The following SEMA3D variants were observed in gnomAD, a reference collection of about 807,000 sequenced individuals.
The protein encoded by SEMA3D is semaphorin-3D.
SEMA3D carries 84 observed loss-of-function variants against 100.1 expected under a neutral mutation model. The observed-to-expected ratio is 0.84, with a 90% CI of 0.70 to 1.01. The LOEUF (loss-of-function observed/expected upper bound fraction) is 1.01. Among genes scored for constraint, SEMA3D ranks in the 50% least tolerant of loss-of-function variants. The probability of loss-of-function intolerance (pLI) is 0.00; values close to 1 mark genes in which losing one functional copy is unlikely to be tolerated. For missense variants in SEMA3D, 875 were observed against 934.1 expected, an observed-to-expected ratio of 0.94 and a Z score of 0.82; for synonymous variants, 312 against 320.7, an observed-to-expected ratio of 0.97 and a Z score of 0.29.
upstream of SEMA3D, among the ~76,000 whole-genome samples, chr7:85,189,113 T>A (rs1307025656): frequency 6.6e-6 from 1 of 152,172 alleles, no homozygotes; most frequent in African/African-American, 2.4e-5. Context: ...TTCCTTCCTT[T>A]TAATGACTCT....
intron 14 of SEMA3D, 107 bp from the exon 15 acceptor site, chr7:85,018,400 T>A: frequency 1.4e-6 from 1 of 717,360 alleles, no homozygotes; most frequent in South Asian, 1.6e-5. Context: ...AAACATCAAG[T>A]CTCTGTTACA....
At chr7:85,115,414 A>G (rs758082101) in intron 3 of SEMA3D, among the ~76,000 whole-genome samples, 53 of 152,320 alleles carry the variant, frequency 3.5e-4, no homozygotes, top group Admixed American at 7.8e-4. Flanking sequence ...ATGAATCTTC[A>G]GTGAATATTA....
intron 13 of SEMA3D, among the ~76,000 whole-genome samples, chr7:85,021,780 A>G (rs1186157460): frequency 6.6e-6 from 1 of 151,842 alleles, no homozygotes; most frequent in African/African-American, 2.4e-5. Context: ...ATTAGCTAAT[A>G]CTTTTACTTT....
At chr7:85,150,427 C>CAT (rs1178315506) in intron 2 of SEMA3D, among the ~76,000 whole-genome samples, 4 of 140,846 alleles carry the variant, frequency 2.8e-5, no homozygotes, top group African/African-American at 1.0e-4. Flanking sequence ...CACACACACA[C>CAT]ATATATTTAC....
chr7:85,138,116 C>T (rs541111849), intron 2 of SEMA3D, among the ~76,000 whole-genome samples: 9 of 152,118 alleles, frequency 5.9e-5, no homozygotes, highest in South Asian at 2.1e-4. Context: ...GCTGAATGGG[C>T]TCAAAGTAAA....
intron 2 of SEMA3D, among the ~76,000 whole-genome samples, chr7:85,144,026 T>C (rs1033030462): frequency 6.6e-6 from 1 of 152,092 alleles, no homozygotes; most frequent in Non-Finnish European, 1.5e-5. Flanking sequence ...CTTGTAATTT[T>C]AAATTTTCTT....
chr7:85,073,098 T>G lies in SEMA3D; in HGVS notation c.376-17A>C, dbSNP rs375641656. 4.7e-5 allele frequency: 76 copies of G among 1,610,136 alleles called. No homozygotes were observed. Among genetic ancestry groups the G allele is most frequent in the Admixed American group, 1.2e-4 (7 of 59,386 alleles). ...ACATTCTGTCTGTTGGGCACAAAAA[T>G]TAAAAGCATTAACACACAATTCAGG... On this transcript the variant is annotated splice_polypyrimidine_tract_variant and intron_variant, in intron 5 of 18. Transcript: ENST00000284136.
Position 85,140,699 on chromosome 7 carries a change from A to G in SEMA3D, c.-41+12909T>C, listed in dbSNP as rs2116460429. ...GTGCTTCTGTTAAGGAGTCATTATT[A>G]AGAGATAAATCTATTTAATACAAGT... On this transcript the variant is annotated intron_variant, in intron 2 of 18. Coordinates refer to ENST00000284136, the MANE Select transcript of SEMA3D (RefSeq NM_001384900.1). The G allele has an allele frequency of 7.1e-6, 7 of 980,740 alleles. No homozygotes were observed. The South Asian group carries it at 2.8e-4, about 40-fold the overall frequency. The allele number at this position is 980,740 out of a possible 1,614,324, so 60.8% of individuals were successfully genotyped here. A position where few individuals can be genotyped will look rare whatever the true frequency, so the allele number is the denominator to read the frequency against.
the SEMA3D span, among the ~76,000 whole-genome samples, chr7:85,225,050 TTATATA>T: frequency 0.014 from 1,047 of 76,588 alleles, 7 homozygotes; most frequent in East Asian, 0.024. Flanking sequence ...TGATTTTCTT[TTATATA>T]TATATATATA....
chr7:85,204,793 A>G, the SEMA3D span, among the ~76,000 whole-genome samples: 5 of 151,890 alleles, frequency 3.3e-5, no homozygotes, highest in Admixed American at 1.3e-4. Context: ...TATTTTTCCT[A>G]TTATCACTCT....
In SEMA3D at chr7:85,140,932, ATCT is replaced by A. The variant is rs935013064; in HGVS notation, c.-41+12673_-41+12675del. On this transcript the variant is annotated intron_variant, in intron 2 of 18. Coordinates refer to ENST00000284136, the MANE Select transcript of SEMA3D (RefSeq NM_001384900.1). ...TCAGTTAGAGATGATCACTGTTAAA[ATCT>A]TCTTTATTTTTCCCTATTTTCTATG... 1.6e-4 allele frequency: 98 copies of A among 609,908 alleles called. No homozygotes were observed. In the African/African-American group the frequency reaches 1.7e-3, roughly 10 times the overall value. The allele number at this position is 609,908 out of a possible 1,614,324, so 37.8% of individuals were successfully genotyped here.
the SEMA3D span, among the ~76,000 whole-genome samples, chr7:85,207,934 G>A: frequency 2.0e-5 from 3 of 151,880 alleles, no homozygotes; most frequent in South Asian, 6.2e-4. Context: ...TGTAATGCAC[G>A]CTGTCAGTTA....
At position 85,065,471 on chromosome 7, in the gene SEMA3D, T is replaced by C. The variant is rs757201221; in HGVS notation, c.671A>G (p.Asp224Gly). The change falls in exon 8 of 19, where the codon GAC (aspartate) becomes GGC (glycine). Residue 224 changes from aspartate to glycine, a missense_variant. Transcript: ENST00000284136. Reference protein sequence around the residue: ...AFTRSLGPTHDHHYIRTDISE... With the variant: ...AFTRSLGPTHGHHYIRTDISE... ...AATGTCAGTTCTGATGTAGTGGTGG[T>C]CATGAGTAGGCCCAAGGGATCGAGT... 1.2e-6 allele frequency: 2 copies of C among 1,613,152 alleles called. No individual in the cohort carries two copies. The highest frequency in any genetic ancestry group is 2.7e-5 in the African/African-American group (2 of 74,864).
At chr7:85,152,885 G>A (rs936116924) in intron 2 of SEMA3D, among the ~76,000 whole-genome samples, 4 of 152,088 alleles carry the variant, frequency 2.6e-5, no homozygotes, top group Admixed American at 2.6e-4. Context: ...GCAAGTCAAA[G>A]TCAAGTCTAG....
At chr7:85,038,029 C>T (rs1790750062) in intron 11 of SEMA3D, among the ~76,000 whole-genome samples, 1 of 130,290 alleles carries the variant, frequency 7.7e-6, no homozygotes, top group African/African-American at 3.0e-5. Context: ...GGGAACATCA[C>T]ACACCGGGGC....
At chr7:85,173,250 T>C (rs550551877) in intron 1 of SEMA3D, among the ~76,000 whole-genome samples, 37 of 152,174 alleles carry the variant, frequency 2.4e-4, no homozygotes, top group Non-Finnish European at 4.4e-4. Flanking sequence ...GTAGATAGTT[T>C]AAAAGTAAAC....
chr7:85,112,383 C>G (rs750133567), intron 3 of SEMA3D, among the ~76,000 whole-genome samples: 6 of 152,014 alleles, frequency 3.9e-5, no homozygotes, highest in Non-Finnish European at 8.8e-5. Context: ...TTTTTCTTGT[C>G]AATGAATATA....
intron 1 of SEMA3D, among the ~76,000 whole-genome samples, chr7:85,168,873 G>C (rs1583985851): frequency 7.5e-6 from 1 of 133,526 alleles, no homozygotes; most frequent in Admixed American, 7.4e-5. Flanking sequence ...AAGAAAGAAA[G>C]AAAGAAAAGA....
chr7:85,130,288 C>T (rs1469600949), intron 2 of SEMA3D, among the ~76,000 whole-genome samples: 2 of 152,100 alleles, frequency 1.3e-5, no homozygotes, highest in Non-Finnish European at 2.9e-5. Flanking sequence ...TCAAAAAGGG[C>T]AGCTTTTCTT....
Sources: gnomAD v4.1 joint callset for allele counts (sites outside exome capture counted in the v4.1 genomes callset) on GRCh38, gnomAD v4.1.1 for gene constraint, MANE v1.5 for transcripts, NCBI Gene and HGNC (gene_info 2026-07-23, HGNC 2026-07-21) for gene names.